VSIG1: variants seen among roughly 807,000 people sequenced by gnomAD.
The protein encoded by VSIG1 is V-set and immunoglobulin domain-containing protein 1.
Under a neutral mutation model 20.1 loss-of-function variants are expected in VSIG1, and 11 were observed. The ratio of observed to expected loss-of-function variants is 0.55; its 90% confidence interval spans 0.34 to 0.91. The LOEUF (loss-of-function observed/expected upper bound fraction) is 0.91. Ranked by LOEUF, VSIG1 falls within the 40% of genes least tolerant of loss-of-function variation. The probability of loss-of-function intolerance (pLI) is 0.02; values close to 1 mark genes in which losing one functional copy is unlikely to be tolerated. For synonymous variants in VSIG1, 126 were observed against 116.7 expected, an observed-to-expected ratio of 1.08 and a Z score of -0.52; for missense variants, 283 against 298.8, an observed-to-expected ratio of 0.95 and a Z score of 0.39.
intron 1 of VSIG1, among the ~76,000 whole-genome samples, chrX:108,049,952 A>C (rs1232210261): frequency 1.8e-5 from 2 of 112,121 alleles, no homozygotes; most frequent in African/African-American, 3.2e-5. Flanking sequence ...CCAGGAAAGC[A>C]TGGGGAGGAG....
intron 5 of VSIG1, among the ~76,000 whole-genome samples, chrX:108,074,430 A>T (rs779533472): frequency 9.9e-5 from 11 of 111,264 alleles, no homozygotes; most frequent in African/African-American, 3.6e-4. Context: ...CTTTTTTCCA[A>T]TGATGTCCAG....
intron 2 of VSIG1, chrX:108,061,552 G>A: frequency 8.9e-7 from 1 of 1,127,592 alleles, no homozygotes; most frequent in Non-Finnish European, 1.2e-6. Context: ...ACACTTATTG[G>A]TGTACTACTG....
At chrX:108,057,879 G>A (rs751355236) in intron 1 of VSIG1, among the ~76,000 whole-genome samples, 159 bp from the exon 2 acceptor site, 4 of 111,765 alleles carry the variant, frequency 3.6e-5, no homozygotes, top group East Asian at 5.6e-4. Context: ...CTACCCCAGT[G>A]AGCCCCAAGA....
chrX:108,029,839 A>G, the VSIG1 span, among the ~76,000 whole-genome samples: 1 of 111,832 alleles, frequency 8.9e-6, no homozygotes, highest in African/African-American at 3.2e-5. Context: ...AGCAGAGCAG[A>G]GGACAGAAAG....
chrX:108,061,868 T>C (rs1174558593), intron 2 of VSIG1, among the ~76,000 whole-genome samples: 4 of 110,617 alleles, frequency 3.6e-5, no homozygotes, highest in South Asian at 8.2e-4. Flanking sequence ...ACCTAGGGGC[T>C]GATGTTATCT....
intron 2 of VSIG1, among the ~76,000 whole-genome samples, chrX:108,065,618 T>C (rs1412280516): frequency 8.9e-6 from 1 of 112,114 alleles, no homozygotes; most frequent in Admixed American, 9.4e-5. Flanking sequence ...ATGATTTTTG[T>C]CATATTTGTG....
intron 3 of VSIG1, 80 bp downstream of exon 3, chrX:108,067,214 C>G: frequency 9.9e-7 from 1 of 1,006,461 alleles, no homozygotes; most frequent in East Asian, 3.1e-5. Flanking sequence ...AGTTATGATG[C>G]CAATTAAGTC....
the VSIG1 span, among the ~76,000 whole-genome samples, chrX:108,031,175 G>A: frequency 8.9e-6 from 1 of 111,894 alleles, no homozygotes; most frequent in African/African-American, 3.3e-5. Context: ...GTTGGGGTGG[G>A]GAGCATGAAA....
the VSIG1 span, among the ~76,000 whole-genome samples, chrX:108,039,636 G>A: frequency 9.0e-6 from 1 of 111,404 alleles, no homozygotes; most frequent in African/African-American, 3.3e-5. Flanking sequence ...AAGGACAAAG[G>A]TGGAAGCAGG....
chrX:108,034,248 C>G, the VSIG1 span, among the ~76,000 whole-genome samples: 1 of 111,588 alleles, frequency 9.0e-6, no homozygotes, highest in Admixed American at 9.5e-5. Context: ...CTCTTGAATT[C>G]TAAGGATTAG....
At chrX:108,060,644 T>A (rs1353430204) in intron 2 of VSIG1, among the ~76,000 whole-genome samples, 2 of 111,796 alleles carry the variant, frequency 1.8e-5, no homozygotes, top group Non-Finnish European at 3.8e-5. Flanking sequence ...ATGATGAATG[T>A]CAATTCTTCT....
chrX:108,040,619 C>T (rs747167161), upstream of VSIG1, among the ~76,000 whole-genome samples: 5 of 111,326 alleles, frequency 4.5e-5, no homozygotes, highest in South Asian at 1.9e-3. Context: ...GTTCATTGCA[C>T]CATTGTCAAT....
chrX:108,031,588 G>T, the VSIG1 span, among the ~76,000 whole-genome samples: 1 of 111,398 alleles, frequency 9.0e-6, no homozygotes, highest in Admixed American at 9.5e-5. Context: ...GTGATATTCT[G>T]GTATTTCAAG....
Position 108,073,246 on chromosome X carries a change from A to G in VSIG1, c.569-4A>G, listed in dbSNP as rs1376999472. On this transcript the variant is annotated splice_region_variant and splice_polypyrimidine_tract_variant and intron_variant, in intron 4 of 6. Transcript: ENST00000217957. ...CTCAAAAGTCTATTCCCTGGTTTCAACAGACCCAACCACCGGGATTTTGGT... is the reference window on the plus strand; with the variant it reads ...CTCAAAAGTCTATTCCCTGGTTTCAGCAGACCCAACCACCGGGATTTTGGT... 1.3e-5 allele frequency: 16 copies of G among 1,209,351 alleles called. No homozygotes were observed. Among genetic ancestry groups the G allele is most frequent in the African/African-American group, 1.8e-5 (1 of 57,132 alleles).
chrX:108,030,126 C>T, the VSIG1 span, among the ~76,000 whole-genome samples: 1 of 111,524 alleles, frequency 9.0e-6, no homozygotes, highest in Non-Finnish European at 1.9e-5. Context: ...AAATGAACCA[C>T]TGCAGCTAAA....
intron 2 of VSIG1, among the ~76,000 whole-genome samples, chrX:108,058,923 GGT>G (rs35330502): frequency 0.014 from 1,488 of 105,400 alleles, 13 homozygotes; most frequent in African/African-American, 0.031. Flanking sequence ...TATACTCAAA[GGT>G]GTGTGTGTGT....
Position 108,052,285 on chromosome X carries a change from T to C in VSIG1, c.50-5753T>C, listed in dbSNP as rs184230417. Among the ~76,000 whole-genome samples, 89 of 111,405 alleles carry C rather than the reference T, an allele frequency of 8.0e-4. 3 individuals are homozygous for C. The East Asian group carries it at 0.023, about 29-fold the overall frequency. ...TAATAGATTTTAAATGTTCCTGCTA[T>C]GAAAAAAACAAAACGAAACAAAAGA... On this transcript the variant is annotated intron_variant, in intron 1 of 6. Transcript: ENST00000217957.
At chrX:108,024,499 C>T in the VSIG1 span, among the ~76,000 whole-genome samples, 3 of 107,200 alleles carry the variant, frequency 2.8e-5, no homozygotes, top group Admixed American at 3.1e-4. Context: ...AGATCAGTTT[C>T]TTCTTATTTT....
intron 1 of VSIG1, among the ~76,000 whole-genome samples, chrX:108,049,552 C>T (rs1330895956): frequency 8.9e-6 from 1 of 112,005 alleles, no homozygotes; most frequent in African/African-American, 3.2e-5. Flanking sequence ...GAGTGGTCTT[C>T]AAAGGGGGTT....
Sources: gnomAD v4.1 joint callset for allele counts (sites outside exome capture counted in the v4.1 genomes callset) on GRCh38, gnomAD v4.1.1 for gene constraint, MANE v1.5 for transcripts, NCBI Gene and HGNC (gene_info 2026-07-23, HGNC 2026-07-21) for gene names.